Variants in AEBP2 observed in about 807,000 individuals in gnomAD.
AEBP2 encodes the protein AE binding protein 2, also known as zinc finger protein AEBP2.
Under a neutral mutation model 50.8 loss-of-function variants are expected in AEBP2, and 10 were observed. The ratio of observed to expected loss-of-function variants is 0.20; its 90% confidence interval spans 0.12 to 0.33. The LOEUF (loss-of-function observed/expected upper bound fraction) is 0.33. Ranked by LOEUF, AEBP2 falls within the 10% of genes least tolerant of loss-of-function variation. The pLI is 1.00. For missense variants in AEBP2, 570 were observed against 688.0 expected, an observed-to-expected ratio of 0.83 and a Z score of 1.92; for synonymous variants, 296 against 261.3, an observed-to-expected ratio of 1.13 and a Z score of -1.28.
intron 5 of AEBP2, among the ~76,000 whole-genome samples, chr12:19,500,569 G>T (rs974744164): frequency 3.3e-5 from 5 of 152,136 alleles, no homozygotes; most frequent in Non-Finnish European, 5.9e-5. Context: ...TAGAACATGA[G>T]ACTCCTTTTA....
At chr12:19,500,310 A>G (rs1268284421) in intron 5 of AEBP2, 89 bp downstream of exon 5, 2 of 1,227,530 alleles carry the variant, frequency 1.6e-6, no homozygotes, top group African/African-American at 3.2e-5. Context: ...AAAATCTAAG[A>G]AAGTACAATT....
At chr12:19,510,630 C>G (rs1949219663) in intron 5 of AEBP2, among the ~76,000 whole-genome samples, 1 of 152,024 alleles carries the variant, frequency 6.6e-6, no homozygotes, top group Non-Finnish European at 1.5e-5. Flanking sequence ...TATATAGAGC[C>G]AAAGTCATAC....
rs149304482 is a variant in AEBP2, at chr12:19,479,584, G to C, written c.987+6229G>C. On this transcript the variant is annotated intron_variant, in intron 3 of 7. Coordinates refer to ENST00000266508, the MANE Select transcript of AEBP2 (RefSeq NM_153207.5). ...ATTTTACTGTGTTTATTGTGTTGCT[G>C]TCTATCCTATTTCTTAGGTTTAGTA... Among the ~76,000 whole-genome samples, 235 of 145,936 alleles carry C rather than the reference G, an allele frequency of 1.6e-3. 1 individual carries two copies. Among genetic ancestry groups the C allele is most frequent in the African/African-American group, 5.5e-3 (224 of 40,870 alleles).
chr12:19,405,713 A>G (rs1374328118), intron 1 of AEBP2, among the ~76,000 whole-genome samples: 1 of 152,166 alleles, frequency 6.6e-6, no homozygotes, highest in Non-Finnish European at 1.5e-5. Context: ...CAGGCCCCTA[A>G]CAGGGGTTCC....
intron 1 of AEBP2, among the ~76,000 whole-genome samples, chr12:19,451,626 A>G (rs890189052): frequency 1.3e-5 from 2 of 152,118 alleles, no homozygotes; most frequent in African/African-American, 2.4e-5. Flanking sequence ...GACCACACCT[A>G]TTAGTGCTGT....
chr12:19,432,745 T>G (rs1284343744), intron 1 of AEBP2, among the ~76,000 whole-genome samples: 1 of 151,874 alleles, frequency 6.6e-6, no homozygotes, highest in Non-Finnish European at 1.5e-5. Flanking sequence ...CTGGTAGGTG[T>G]CTGCAGTACC....
chr12:19,421,695 T>C (rs1193355090), intron 1 of AEBP2, among the ~76,000 whole-genome samples: 1 of 152,202 alleles, frequency 6.6e-6, no homozygotes, highest in South Asian at 2.1e-4. Flanking sequence ...CCTTGTCACA[T>C]AGCAGGGGGG....
At chr12:19,420,355 A>T (rs2095744992) in intron 1 of AEBP2, among the ~76,000 whole-genome samples, 1 of 78,530 alleles carries the variant, frequency 1.3e-5, no homozygotes, top group Non-Finnish European at 2.4e-5. Context: ...TTTTTTTGAG[A>T]CAGAGTCTCA....
intron 1 of AEBP2, among the ~76,000 whole-genome samples, chr12:19,410,615 C>T (rs997918298): frequency 9.2e-5 from 14 of 152,130 alleles, no homozygotes; most frequent in African/African-American, 3.4e-4. Flanking sequence ...ACCCCCTTCC[C>T]CAACCAAAAG....
At chr12:19,431,697 A>G (rs1373097021) in intron 1 of AEBP2, among the ~76,000 whole-genome samples, 1 of 152,176 alleles carries the variant, frequency 6.6e-6, no homozygotes, top group Non-Finnish European at 1.5e-5. Flanking sequence ...TTGGATTACA[A>G]TCTACAGAAT....
At chr12:19,507,320 T>C (rs974606142) in intron 5 of AEBP2, among the ~76,000 whole-genome samples, 1 of 152,180 alleles carries the variant, frequency 6.6e-6, no homozygotes, top group East Asian at 1.9e-4. Flanking sequence ...TTGCATATGC[T>C]TTCATTAGAG....
chr12:19,501,121 G>A lies in AEBP2; in HGVS notation c.1299+900G>A, dbSNP rs558266521. Among the ~76,000 whole-genome samples, 4 of 152,234 alleles carry A rather than the reference G, an allele frequency of 2.6e-5. No individual in the cohort carries two copies. In the East Asian group the frequency reaches 7.7e-4, roughly 29 times the overall value. On this transcript the variant is annotated intron_variant, in intron 5 of 7. Transcript: ENST00000266508. ...TAGGCAGGTGGATCACCTGAGGCCAGGAGTTCGAGACCAGCCTGGCCAACG... is the reference window on the plus strand; with the variant it reads ...TAGGCAGGTGGATCACCTGAGGCCAAGAGTTCGAGACCAGCCTGGCCAACG...
intron 1 of AEBP2, among the ~76,000 whole-genome samples, chr12:19,447,706 A>T (rs1241847799): frequency 2.0e-5 from 3 of 152,134 alleles, no homozygotes; most frequent in African/African-American, 7.2e-5. Context: ...CCCATTTCTC[A>T]TGCAGAGATG....
Position 19,518,438 on chromosome 12 carries a change from CT to C in AEBP2, c.*331del, listed in dbSNP as rs767912327. ...TTTGCATGCTTGCTGCTTTAAGCTGCTTTTTTTTTTCTTTTCTTCCCTTTAG... is the reference window on the plus strand; with the variant it reads ...TTTGCATGCTTGCTGCTTTAAGCTGCTTTTTTTTTCTTTTCTTCCCTTTAG... On this transcript the variant is annotated 3_prime_UTR_variant, in exon 8 of 8. Coordinates refer to ENST00000266508, the MANE Select transcript of AEBP2 (RefSeq NM_153207.5). 3,622 of 1,164,464 alleles carry C rather than the reference CT, an allele frequency of 3.1e-3. 5 individuals are homozygous for C. Among genetic ancestry groups the C allele is most frequent in the East Asian group, 3.6e-3 (103 of 28,240 alleles). The allele number at this position is 1,164,464 out of a possible 1,614,324, so 72.1% of individuals were successfully genotyped here. A position where few individuals can be genotyped will look rare whatever the true frequency, so the allele number is the denominator to read the frequency against.
chr12:19,520,115 G>A lies in AEBP2; in HGVS notation c.*1998G>A, dbSNP rs201437856. On this transcript the variant is annotated 3_prime_UTR_variant, in exon 8 of 8. Coordinates refer to ENST00000266508, the MANE Select transcript of AEBP2 (RefSeq NM_153207.5). The stretch of plus-strand genomic sequence containing the variant: ...TAGAAGTGTTTCAGATACATAGTTT[G>A]TACCTGTATTTTTATTTTATTGCCT... 6.6e-6 allele frequency: 1 copy of A among 152,442 alleles called. No individual in the cohort carries two copies. Among genetic ancestry groups the A allele is most frequent in the African/African-American group, 2.4e-5 (1 of 41,426 alleles). 9.4% of individuals were successfully genotyped at this position (152,442 alleles called of 1,614,324 possible). A position where few individuals can be genotyped will look rare whatever the true frequency, so the allele number is the denominator to read the frequency against.
intron 4 of AEBP2, among the ~76,000 whole-genome samples, chr12:19,499,015 C>G (rs1231780854): frequency 4.0e-5 from 6 of 151,728 alleles, no homozygotes; most frequent in Admixed American, 2.6e-4. Context: ...GAGACTGTGT[C>G]TAAAAGAAAA....
chr12:19,473,253 T>C lies in AEBP2; in HGVS notation c.885T>C (p.Phe295=). 1 of 1,456,764 alleles carries C rather than the reference T, an allele frequency of 6.9e-7. No homozygotes were observed. The highest frequency in any genetic ancestry group is 1.5e-5 in the South Asian group (1 of 65,868). The allele number at this position is 1,456,764 out of a possible 1,614,324, so 90.2% of individuals were successfully genotyped here. The change falls in exon 3 of 8, where the codon TTT becomes TTC. Residue 295 remains phenylalanine, a synonymous_variant. Coordinates refer to ENST00000266508, the MANE Select transcript of AEBP2 (RefSeq NM_153207.5). ...IHVDGQRGGV[F]VCLWKGCKVY... Reference sequence around the variant, plus strand: ...GGTTCTGTTTTTCTTAACAGGTATTTGTTTGCTTATGGAAAGGTTGTAAAG... The same window carrying C: ...GGTTCTGTTTTTCTTAACAGGTATTCGTTTGCTTATGGAAAGGTTGTAAAG...
chr12:19,511,789 T>G (rs2120599384), intron 5 of AEBP2, among the ~76,000 whole-genome samples: 1 of 152,248 alleles, frequency 6.6e-6, no homozygotes, highest in African/African-American at 2.4e-5. Flanking sequence ...GAGCTTTTAC[T>G]GAATCTAGGT....
At chr12:19,508,195 G>T (rs1371559905) in intron 5 of AEBP2, among the ~76,000 whole-genome samples, 1 of 152,072 alleles carries the variant, frequency 6.6e-6, no homozygotes. Context: ...TTTGACTACA[G>T]ACTTTTTTTG....
Sources: gnomAD v4.1 joint callset for allele counts (sites outside exome capture counted in the v4.1 genomes callset) on GRCh38, gnomAD v4.1.1 for gene constraint, MANE v1.5 for transcripts, NCBI Gene and HGNC (gene_info 2026-07-23, HGNC 2026-07-21) for gene names.